Variants in AGAP1 observed in about 807,000 individuals in gnomAD.
AGAP1 encodes the protein ArfGAP with GTPase domain, ankyrin repeat and PH domain 1.
AGAP1 carries 29 observed loss-of-function variants against 105.3 expected under a neutral mutation model. The observed-to-expected ratio is 0.28, with a 90% CI of 0.21 to 0.38. The LOEUF is 0.38. Among genes scored for constraint, AGAP1 ranks in the 10% least tolerant of loss-of-function variants. The probability of loss-of-function intolerance (pLI) is 1.00; values close to 1 mark genes in which losing one functional copy is unlikely to be tolerated. For synonymous variants in AGAP1, 509 were observed against 485.9 expected (o/e 1.05, Z -0.63); for missense variants, 998 against 1,165.1 (o/e 0.86, Z 2.09).
At chr2:235,985,008 G>A (rs896208100) in intron 13 of AGAP1, among the ~76,000 whole-genome samples, 1 of 152,150 alleles carries the variant, frequency 6.6e-6, no homozygotes, top group Non-Finnish European at 1.5e-5. Flanking sequence ...TCTGGCTCTA[G>A]ATCCTTGAGG....
At chr2:235,595,331 G>A (rs1439461875) in intron 1 of AGAP1, among the ~76,000 whole-genome samples, 2 of 152,110 alleles carry the variant, frequency 1.3e-5, no homozygotes, top group Non-Finnish European at 2.9e-5. Flanking sequence ...TCGAGGGGCC[G>A]GAAACCGTGA....
At chr2:235,794,191 C>G (rs1048760717) in intron 6 of AGAP1, among the ~76,000 whole-genome samples, 1 of 152,142 alleles carries the variant, frequency 6.6e-6, no homozygotes, top group African/African-American at 2.4e-5. Flanking sequence ...CGCACACTTG[C>G]ACAGTTGAAG....
chr2:235,778,483 C>A (rs180975299), intron 6 of AGAP1, among the ~76,000 whole-genome samples: 1 of 152,180 alleles, frequency 6.6e-6, no homozygotes, highest in Non-Finnish European at 1.5e-5. Flanking sequence ...CTTCCTGCTC[C>A]GTGCTCTTCC....
At chr2:236,029,745 T>C (rs2057168818) in intron 13 of AGAP1, among the ~76,000 whole-genome samples, 1 of 152,116 alleles carries the variant, frequency 6.6e-6, no homozygotes, top group Non-Finnish European at 1.5e-5. Flanking sequence ...TCTGCTCTTT[T>C]CTGTTTTTTC....
intron 12 of AGAP1, among the ~76,000 whole-genome samples, chr2:235,939,584 T>TCGGTGTCCC (rs113141143): frequency 1.3e-5 from 2 of 151,444 alleles, no homozygotes; most frequent in African/African-American, 4.8e-5. Flanking sequence ...TCGTCTGTCC[T>TCGGTGTCCC]CAGCTACCAC....
rs760166313 is a variant in AGAP1 at position 235,699,952 on chromosome 2, C to T, written c.164-9227C>T. On this transcript the variant is annotated intron_variant, in intron 1 of 17. Coordinates refer to ENST00000304032, the MANE Select transcript of AGAP1 (RefSeq NM_001037131.3). ...TCTGGGGACCTCGGTGTTGGGGGAA[C>T]GGCCTGTTTCTGTAGCTTGGGATGA... Among the ~76,000 whole-genome samples, 7 of 152,156 alleles carry T rather than the reference C, an allele frequency of 4.6e-5. No individual in the cohort carries two copies. In the East Asian group the frequency reaches 5.8e-4, roughly 13 times the overall value.
chr2:235,760,594 T>C (rs140717073), intron 6 of AGAP1, among the ~76,000 whole-genome samples: 114 of 152,336 alleles, frequency 7.5e-4, no homozygotes, highest in African/African-American at 2.6e-3. Flanking sequence ...TTTATTATTA[T>C]TTCTTAATTG....
chr2:235,710,997 A>C (rs1285208506), intron 2 of AGAP1, among the ~76,000 whole-genome samples: 1 of 152,230 alleles, frequency 6.6e-6, no homozygotes, highest in East Asian at 1.9e-4. Context: ...ACTGAGGCTC[A>C]GAGACATGAA....
At position 235,890,896 on chromosome 2, in the gene AGAP1, C is replaced by T. The variant is rs534511586; in HGVS notation, c.1155+7447C>T. 2.5e-4 allele frequency among the ~76,000 whole-genome samples: 36 copies of T among 143,480 alleles called. 1 individual carries two copies. The South Asian group carries it at 8.4e-3, about 33-fold the overall frequency. The allele number at this position is 143,480 out of a possible 152,430, so 94.1% of individuals were successfully genotyped here. ...GTTAGTTGGATTTCTAAGGAAAACG[C>T]TGTCCTGAAGTTGAAGCTACTGGGT... On this transcript the variant is annotated intron_variant, in intron 10 of 17. Transcript: ENST00000304032.
chr2:235,907,147 C>G (rs1404125212), intron 10 of AGAP1, among the ~76,000 whole-genome samples: 5 of 152,214 alleles, frequency 3.3e-5, no homozygotes, highest in Non-Finnish European at 4.4e-5. Flanking sequence ...GTTTCCTTGT[C>G]CCTGAGACAG....
At position 235,494,155 on chromosome 2, in the gene AGAP1, C is replaced by G. The variant is rs1316580035; in HGVS notation, c.-532C>G. The G allele has an allele frequency of 6.9e-6, 1 of 144,448 alleles. No homozygotes were observed. The highest frequency in any genetic ancestry group is 1.5e-5 in the Non-Finnish European group (1 of 64,970). 8.9% of individuals were successfully genotyped at this position (144,448 alleles called of 1,614,324 possible). A position where few individuals can be genotyped will look rare whatever the true frequency, so the allele number is the denominator to read the frequency against. ...CTCGGTCCCAGGTCGGCGGGCGGCG[C>G]ACGGCGGGCTCGCGCGGGGGCCCCG... On this transcript the variant is annotated 5_prime_UTR_variant, in exon 1 of 18. Coordinates refer to ENST00000304032, the MANE Select transcript of AGAP1 (RefSeq NM_001037131.3).
chr2:235,521,057 A>G (rs1234111429), intron 1 of AGAP1, among the ~76,000 whole-genome samples: 1 of 152,204 alleles, frequency 6.6e-6, no homozygotes, highest in Non-Finnish European at 1.5e-5. Flanking sequence ...GTTCTCAGGG[A>G]CACGAACATA....
At chr2:235,836,299 T>C (rs967462389) in intron 9 of AGAP1, among the ~76,000 whole-genome samples, 3 of 152,170 alleles carry the variant, frequency 2.0e-5, no homozygotes, top group African/African-American at 7.2e-5. Context: ...TCAAAAGCAA[T>C]ATTGAGTGAG....
intron 8 of AGAP1, among the ~76,000 whole-genome samples, chr2:235,802,096 T>C (rs997629536): frequency 6.6e-6 from 1 of 152,062 alleles, no homozygotes; most frequent in Non-Finnish European, 1.5e-5. Context: ...TAACATCTGC[T>C]CTGTGCACAG....
chr2:235,628,571 G>T (rs1946717710), intron 1 of AGAP1, among the ~76,000 whole-genome samples: 1 of 152,068 alleles, frequency 6.6e-6, no homozygotes, highest in African/African-American at 2.4e-5. Context: ...ATGGAGACAA[G>T]ATTTGGTGGG....
chr2:236,053,096 G>GC lies in AGAP1; in HGVS notation c.2114+3817dup, dbSNP rs1251537064. Among the ~76,000 whole-genome samples the GC allele has an allele frequency of 1.3e-5, 2 of 152,184 alleles. No homozygotes were observed. Among genetic ancestry groups the GC allele is most frequent in the Non-Finnish European group, 2.9e-5 (2 of 68,042 alleles). ...GTGTTGTAGGGCGTCGAGCAGCTGGGCCGGGGGCCACCAGCCAGGCGGGGC... is the reference window on the plus strand; with the variant it reads ...GTGTTGTAGGGCGTCGAGCAGCTGGGCCCGGGGGCCACCAGCCAGGCGGGGC... On this transcript the variant is annotated intron_variant, in intron 16 of 17. Transcript: ENST00000304032. The surrounding 1 kb of genome is among the most constrained non-coding windows in gnomAD (Gnocchi z 4.6).
chr2:235,849,803 G>A (rs562322278), intron 9 of AGAP1, among the ~76,000 whole-genome samples: 2 of 152,126 alleles, frequency 1.3e-5, no homozygotes, highest in Non-Finnish European at 2.9e-5. Flanking sequence ...TCTGCTTCCC[G>A]CCCCTGGAGG....
chr2:235,586,168 A>G lies in AGAP1; in HGVS notation c.163+91319A>G, dbSNP rs1945103531. On this transcript the variant is annotated intron_variant, in intron 1 of 17. Transcript: ENST00000304032. The surrounding 1 kb of genome is among the most constrained non-coding windows in gnomAD (Gnocchi z 4.2). ...TTAGGTCGGCCATTGTCTCCGTGTA[A>G]GTCAACACTACCTTGTGTGTGTGCG... is the stretch of plus-strand genomic sequence containing the variant. 6.6e-6 allele frequency among the ~76,000 whole-genome samples: 1 copy of G among 152,170 alleles called. No homozygotes were observed. The highest frequency in any genetic ancestry group is 1.5e-5 in the Non-Finnish European group (1 of 68,038).
chr2:235,968,537 C>T lies in AGAP1; in HGVS notation c.1559C>T (p.Pro520Leu), dbSNP rs143511786. The change falls in exon 13 of 18, where the codon CCC becomes CTC. Residue 520 changes from proline (P) to leucine (L), a missense_variant. By Grantham distance (98) the Pro-to-Leu change is moderately conservative. Around this residue, in one of 3 missense-constraint regions of AGAP1, gnomAD observed 735 missense variants for 833.4 expected, o/e 0.88. Transcript: ENST00000304032. ...STTSPKLDPPPSPHANRKKHR... is the reference protein window; with the variant it reads ...STTSPKLDPPLSPHANRKKHR... The stretch of plus-strand genomic sequence containing the variant: ...ACCAGCCCCAAGCTCGACCCGCCCC[C>T]CTCCCCTCACGCCAACAGAAAGAAG... 4.8e-6 allele frequency: 4 copies of T among 830,944 alleles called. No homozygotes were observed. The highest frequency in any genetic ancestry group is 2.3e-5 in the Admixed American group (1 of 43,932). 51.5% of individuals were successfully genotyped at this position (830,944 alleles called of 1,614,324 possible). A position where few individuals can be genotyped will look rare whatever the true frequency, so the allele number is the denominator to read the frequency against.
Sources: gnomAD v4.1 joint callset for allele counts (sites outside exome capture counted in the v4.1 genomes callset) on GRCh38, gnomAD v4.1.1 for gene constraint, gnomAD v4.1.1 regional missense constraint, Gnocchi (gnomAD v3.1) non-coding constraint, MANE v1.5 for transcripts, NCBI Gene and HGNC (gene_info 2026-07-23, HGNC 2026-07-21) for gene names.